ACBD6: variants seen among roughly 807,000 people sequenced by gnomAD.
ACBD6 encodes the protein acyl-CoA binding domain containing 6.
ACBD6 carries 28 observed loss-of-function variants against 37.2 expected under a neutral mutation model. The ratio of observed to expected loss-of-function variants is 0.75; its 90% CI spans 0.56 to 1.03. ACBD6 has a LOEUF of 1.03. ACBD6 is among the 50% of genes least tolerant of loss of function. The pLI is 0.00. For missense variants in ACBD6, 340 were observed against 337.4 expected, an observed-to-expected ratio of 1.01 and a Z score of -0.06; for synonymous variants, 113 against 126.8, an observed-to-expected ratio of 0.89 and a Z score of 0.73.
intron 5 of ACBD6, among the ~76,000 whole-genome samples, chr1:180,405,406 T>C (rs538897504): frequency 1.3e-5 from 2 of 152,282 alleles, no homozygotes; most frequent in East Asian, 3.9e-4. Flanking sequence ...ACAACAATTA[T>C]ACTGTCAAAA....
At position 180,349,457 on chromosome 1, in the gene ACBD6, G is replaced by A. The variant is rs1291350703; in HGVS notation, c.664-34735C>T. ...TTTTTAGTAGAGATGGGGTTTCACC[G>A]TGTTAGCCAGGATGGTCTCAATCTC... is the stretch of plus-strand genomic sequence containing the variant. On this transcript the variant is annotated intron_variant, in intron 6 of 7. Transcript: ENST00000367595. Among the ~76,000 whole-genome samples, 7 of 151,668 alleles carry A rather than the reference G, an allele frequency of 4.6e-5. No individual in the cohort carries two copies. In the East Asian group the frequency reaches 5.8e-4, roughly 13 times the overall value.
intron 13 of ACBD6, chr1:180,272,013 A>G: frequency 6.2e-7 from 1 of 1,610,250 alleles, no homozygotes; most frequent in Non-Finnish European, 8.5e-7. Flanking sequence ...CGAGGTGAGC[A>G]GGGCTGGAGG....
rs547962062 is a variant in ACBD6 at position 180,319,116 on chromosome 1, CCT to C, written c.664-4396_664-4395del. ...AGTTCACCTTCTTAAGGAAACCTCC[CCT>C]GACTCCTCAAGTACGGTTAGGTGCT... On this transcript the variant is annotated intron_variant, in intron 6 of 7. Transcript: ENST00000367595. 3.9e-5 allele frequency among the ~76,000 whole-genome samples: 6 copies of C among 152,248 alleles called. No individual in the cohort carries two copies. The South Asian group carries it at 8.3e-4, about 21-fold the overall frequency.
intron 3 of ACBD6, among the ~76,000 whole-genome samples, chr1:180,442,204 T>C (rs911209816): frequency 1.3e-5 from 2 of 152,226 alleles, no homozygotes; most frequent in African/African-American, 4.8e-5. Context: ...TGTTATGTAT[T>C]GTATGGTTTC....
At chr1:180,327,957 G>C (rs6672501) in intron 6 of ACBD6, among the ~76,000 whole-genome samples, 24,007 of 152,046 alleles carry the variant, frequency 0.16, 1,954 homozygotes, top group Middle Eastern at 0.22. Context: ...TTCCTTTAAG[G>C]ACTGAGTTTT....
rs561708184 is a variant in ACBD6, at chr1:180,288,396, C to G, written c.816G>C (p.Leu272Phe). 1.9e-6 allele frequency: 3 copies of G among 1,613,762 alleles called. No individual in the cohort carries two copies. The highest frequency in any genetic ancestry group is 1.7e-4 in the Middle Eastern group (1 of 5,794). The change falls in exon 8 of 8, where the codon TTG (leucine) becomes TTC (phenylalanine). Residue 272 changes from leucine (L) to phenylalanine (F), a missense_variant. Transcript: ENST00000367595. ...EEVTGCKTVS[L>F]VLQRHTTGKA The stretch of plus-strand genomic sequence containing the variant: ...TGCCAGTTGTGTGCCGCTGCAGCAC[C>G]AAAGAAACTGTTTTGCAGCCTGTCA...
At chr1:180,271,168 G>T (rs1245859172) in exon 14 of ACBD6, 1 of 633,206 alleles carries the variant, frequency 1.6e-6, no homozygotes, top group African/African-American at 1.8e-5. Context: ...AAGGACTGCT[G>T]TCCTCACTTT....
At chr1:180,301,408 T>C (rs943367952) in intron 7 of ACBD6, among the ~76,000 whole-genome samples, 1 of 80,112 alleles carries the variant, frequency 1.2e-5, no homozygotes, top group Non-Finnish European at 3.7e-5. Flanking sequence ...ACATATTTTG[T>C]ATGTTATATG....
At chr1:180,365,086 G>A (rs1653006891) in intron 6 of ACBD6, among the ~76,000 whole-genome samples, 2 of 152,212 alleles carry the variant, frequency 1.3e-5, no homozygotes, top group South Asian at 4.2e-4. Flanking sequence ...CATAGTTAGT[G>A]GCAGAATAGA....
chr1:180,374,910 G>T (rs2101919496), intron 6 of ACBD6, among the ~76,000 whole-genome samples: 1 of 152,134 alleles, frequency 6.6e-6, no homozygotes, highest in South Asian at 2.1e-4. Flanking sequence ...TAAGAAATGT[G>T]TAAAACCTAT....
At chr1:180,334,312 C>G (rs1281640633) in intron 6 of ACBD6, among the ~76,000 whole-genome samples, 1 of 152,128 alleles carries the variant, frequency 6.6e-6, no homozygotes, top group Non-Finnish European at 1.5e-5. Context: ...TCCTCTGAGA[C>G]AAAACTTCCA....
At chr1:180,312,598 G>T (rs1650636504) in intron 7 of ACBD6, among the ~76,000 whole-genome samples, 1 of 151,932 alleles carries the variant, frequency 6.6e-6, no homozygotes. Context: ...ACACAGTTAT[G>T]GTATGCATGT....
In ACBD6 at chr1:180,305,319, C is replaced by T. The variant is rs187217003; in HGVS notation, c.694+9373G>A. On this transcript the variant is annotated intron_variant, in intron 7 of 7. Coordinates refer to ENST00000367595, the MANE Select transcript of ACBD6 (RefSeq NM_032360.4). Reference sequence around the variant, plus strand: ...ACCATCAGAGTGAACAGGTAACCTACGGAATGGGAGAAAATTTTTGCAATC... The same window carrying T: ...ACCATCAGAGTGAACAGGTAACCTATGGAATGGGAGAAAATTTTTGCAATC... Among the ~76,000 whole-genome samples, 501 of 152,182 alleles carry T rather than the reference C, an allele frequency of 3.3e-3. 1 individual carries two copies. Among genetic ancestry groups the T allele is most frequent in the African/African-American group, 0.011 (468 of 41,518 alleles).
At chr1:180,393,531 G>C (rs1654151986) in intron 6 of ACBD6, among the ~76,000 whole-genome samples, 1 of 152,108 alleles carries the variant, frequency 6.6e-6, no homozygotes, top group Non-Finnish European at 1.5e-5. Flanking sequence ...CAACCAATAG[G>C]CCAGTCAATA....
chr1:180,442,472 GC>G (rs1375898649), intron 3 of ACBD6, among the ~76,000 whole-genome samples: 1 of 152,152 alleles, frequency 6.6e-6, no homozygotes, highest in Non-Finnish European at 1.5e-5. Context: ...TATCAATGGA[GC>G]AAAGATTGAA....
intron 6 of ACBD6, among the ~76,000 whole-genome samples, chr1:180,341,649 T>C (rs2149306519): frequency 6.6e-6 from 1 of 152,286 alleles, no homozygotes. Flanking sequence ...CTCCTTCCCA[T>C]TATCTCTTGA....
At chr1:180,440,217 T>G (rs976448892) in intron 3 of ACBD6, among the ~76,000 whole-genome samples, 2 of 152,180 alleles carry the variant, frequency 1.3e-5, no homozygotes, top group Non-Finnish European at 2.9e-5. Flanking sequence ...CAAGTGATTC[T>G]CCTGCTTCAG....
intron 6 of ACBD6, among the ~76,000 whole-genome samples, chr1:180,370,247 G>C (rs1653205244): frequency 6.6e-6 from 1 of 152,134 alleles, no homozygotes; most frequent in Admixed American, 6.5e-5. Flanking sequence ...TGTAGTTAGA[G>C]GAAAGGGAGT....
intron 3 of ACBD6, among the ~76,000 whole-genome samples, chr1:180,483,501 G>A (rs1651137172): frequency 6.6e-6 from 1 of 152,070 alleles, no homozygotes; most frequent in African/African-American, 2.4e-5. Flanking sequence ...GCTGTGTTCA[G>A]TGCTAAATCC....
Sources: gnomAD v4.1 joint callset for allele counts (sites outside exome capture counted in the v4.1 genomes callset) on GRCh38, gnomAD v4.1.1 for gene constraint, MANE v1.5 for transcripts, NCBI Gene and HGNC (gene_info 2026-07-23, HGNC 2026-07-21) for gene names.